The following TNIK variants were observed in gnomAD, a reference collection of about 807,000 sequenced individuals.
The protein encoded by TNIK is TRAF2 and NCK interacting kinase.
Under a neutral mutation model 191.3 loss-of-function variants are expected in TNIK, and 49 were observed. The ratio of observed to expected loss-of-function variants is 0.26; its 90% CI spans 0.20 to 0.32. TNIK has a LOEUF of 0.32. Ranked by LOEUF, TNIK falls within the 10% of genes least tolerant of loss-of-function variation. The pLI is 1.00. For synonymous variants in TNIK, 594 were observed against 600.9 expected (o/e 0.99, Z 0.17); for missense variants, 1,155 against 1,702.3 (o/e 0.68, Z 5.66).
intron 23 of TNIK, among the ~76,000 whole-genome samples, chr3:171,092,628 G>C (rs1722215088): frequency 6.6e-6 from 1 of 152,186 alleles, no homozygotes; most frequent in South Asian, 2.1e-4. Context: ...ATATGTGAAA[G>C]GACTCTTTAA....
chr3:171,366,751 C>A lies in TNIK; in HGVS notation c.123+2869G>T, dbSNP rs1715771864. Among the ~76,000 whole-genome samples the A allele has an allele frequency of 1.3e-5, 2 of 152,152 alleles. No individual in the cohort carries two copies. The highest frequency in any genetic ancestry group is 6.5e-5 in the Admixed American group (1 of 15,282). On this transcript the variant is annotated intron_variant, in intron 2 of 32. Transcript: ENST00000436636. This position sits in a 1 kb window ranked among gnomAD's most constrained non-coding sequence, Gnocchi z 4.1. Reference sequence around the variant, plus strand: ...GATATGGTTTGGCTGTGTCCCCAACCAAATTTCGTCTTGAATTGTAGTTCC... The same window carrying A: ...GATATGGTTTGGCTGTGTCCCCAACAAAATTTCGTCTTGAATTGTAGTTCC...
chr3:171,451,206 T>G (rs532917634), intron 1 of TNIK, among the ~76,000 whole-genome samples: 4 of 152,330 alleles, frequency 2.6e-5, no homozygotes, highest in East Asian at 1.9e-4. Context: ...ACATAGTGGC[T>G]TCTGCTCTGC....
intron 10 of TNIK, 66 bp downstream of exon 10, chr3:171,167,029 A>G: frequency 6.5e-7 from 1 of 1,537,232 alleles, no homozygotes; most frequent in Admixed American, 2.0e-5. Flanking sequence ...ACCTCCAAAT[A>G]CATCAAGCGC....
intron 2 of TNIK, among the ~76,000 whole-genome samples, chr3:171,342,890 G>A (rs1440781898): frequency 2.6e-5 from 4 of 152,136 alleles, no homozygotes; most frequent in Non-Finnish European, 1.5e-5. Flanking sequence ...TGCTGTTCTT[G>A]TAATAGTGAG....
chr3:171,296,080 T>G (rs529357408), intron 2 of TNIK, among the ~76,000 whole-genome samples: 13 of 152,310 alleles, frequency 8.5e-5, no homozygotes, highest in Admixed American at 2.6e-4. Context: ...GTGTCAAACC[T>G]TTAGTTACTC....
At chr3:171,183,912 A>C (rs1329553444) in intron 7 of TNIK, among the ~76,000 whole-genome samples, 2 of 122,166 alleles carry the variant, frequency 1.6e-5, no homozygotes, top group African/African-American at 6.7e-5. Context: ...CAAGAGGTAG[A>C]CTCCGTCTTA....
At chr3:171,409,492 T>C (rs913360419) in intron 1 of TNIK, among the ~76,000 whole-genome samples, 14 of 152,144 alleles carry the variant, frequency 9.2e-5, no homozygotes, top group African/African-American at 3.4e-4. Flanking sequence ...TTCTATTGAC[T>C]AATTTATTGA....
At chr3:171,398,194 CA>C (rs1398671101) in intron 1 of TNIK, among the ~76,000 whole-genome samples, 1 of 152,182 alleles carries the variant, frequency 6.6e-6, no homozygotes, top group Non-Finnish European at 1.5e-5. Context: ...TAGCACTTTT[CA>C]AATCATTCCT....
chr3:171,301,612 G>T (rs539448829), intron 2 of TNIK, among the ~76,000 whole-genome samples: 2 of 152,296 alleles, frequency 1.3e-5, no homozygotes, highest in African/African-American at 4.8e-5. Context: ...ACCACATCCA[G>T]CCTTAGCCTG....
intron 2 of TNIK, among the ~76,000 whole-genome samples, chr3:171,244,624 G>T (rs1745382024): frequency 6.6e-6 from 1 of 151,842 alleles, no homozygotes; most frequent in African/African-American, 2.4e-5. Flanking sequence ...ATGGCTTTAA[G>T]TAAATATACT....
chr3:171,156,537 A>G (rs1187713751), intron 12 of TNIK, among the ~76,000 whole-genome samples: 3 of 152,212 alleles, frequency 2.0e-5, no homozygotes, highest in Non-Finnish European at 2.9e-5. Context: ...AACTTCCCCA[A>G]TAGATATGCT....
rs575943115 is a variant in TNIK, at chr3:171,430,596, G to A, written c.57+29411C>T. On this transcript the variant is annotated intron_variant, in intron 1 of 32. Coordinates refer to ENST00000436636, the MANE Select transcript of TNIK (RefSeq NM_015028.4). Reference sequence around the variant, plus strand: ...TGAGGTTGCAGTGAACTAAGATTGTGCCACTGCATTCAGCCCTGGCCCAGA... The same window carrying A: ...TGAGGTTGCAGTGAACTAAGATTGTACCACTGCATTCAGCCCTGGCCCAGA... 3.5e-5 allele frequency among the ~76,000 whole-genome samples: 5 copies of A among 143,586 alleles called. 1 individual carries two copies. Among genetic ancestry groups the A allele is most frequent in the African/African-American group, 1.3e-4 (5 of 38,806 alleles). The allele number at this position is 143,586 out of a possible 152,430, so 94.2% of individuals were successfully genotyped here. A position where few individuals can be genotyped will look rare whatever the true frequency, so the allele number is the denominator to read the frequency against.
At chr3:171,382,655 A>T (rs1159011365) in intron 1 of TNIK, among the ~76,000 whole-genome samples, 2 of 152,164 alleles carry the variant, frequency 1.3e-5, no homozygotes, top group Non-Finnish European at 2.9e-5. Context: ...CCACTTCCAG[A>T]TGGAATATGT....
intron 10 of TNIK, among the ~76,000 whole-genome samples, chr3:171,165,632 G>A (rs1312161438): frequency 6.6e-6 from 1 of 152,162 alleles, no homozygotes. Flanking sequence ...CCTCTGTCCT[G>A]TCTGTGGGCT....
intron 7 of TNIK, among the ~76,000 whole-genome samples, chr3:171,180,789 A>T (rs903404074): frequency 2.6e-5 from 4 of 152,170 alleles, no homozygotes; most frequent in Non-Finnish European, 5.9e-5. Flanking sequence ...CAATCTAAGG[A>T]CTTGAGTATT....
chr3:171,111,336 C>T (rs113054855), intron 18 of TNIK, among the ~76,000 whole-genome samples: 4 of 151,932 alleles, frequency 2.6e-5, no homozygotes, highest in African/African-American at 9.7e-5. Flanking sequence ...GGTCACTTGA[C>T]CCCAGGAGGT....
chr3:171,093,818 A>T, intron 23 of TNIK, 21 bp downstream of exon 23: 3 of 1,612,352 alleles, frequency 1.9e-6, no homozygotes, highest in Non-Finnish European at 2.5e-6. Context: ...TTTCCTCTAC[A>T]CAGTTTTTAT....
At position 171,093,870 on chromosome 3, in the gene TNIK, A is replaced by G; in HGVS notation, c.2690T>C (p.Ile897Thr). ...TSHADSFSGS[I>T]SREGTLMIRE... Reference sequence around the variant, plus strand: ...AATCATCAAGGTTCCTTCTCTTGAAATACTGCCGCTGAAACTGTCCGCATG... The same window carrying G: ...AATCATCAAGGTTCCTTCTCTTGAAGTACTGCCGCTGAAACTGTCCGCATG... The change falls in exon 23 of 33, where the codon ATT (isoleucine) becomes ACT (threonine). Residue 897 changes from isoleucine (I) to threonine (T), a missense_variant. This residue lies in a region of TNIK where 735 missense variants were observed against 848.0 expected (regional missense o/e 0.87). Transcript: ENST00000436636. The G allele has an allele frequency of 6.2e-7, 1 of 1,613,900 alleles. No individual in the cohort carries two copies. Among genetic ancestry groups the G allele is most frequent in the Admixed American group, 1.7e-5 (1 of 60,020 alleles).
rs538074795 is a variant in TNIK at position 171,159,404 on chromosome 3, T to A, written c.1017-1740A>T. Reference sequence around the variant, plus strand: ...ACCAAGGATCGGTTTTGGAGAGTAGTTAGTGTGCTGTGTGAGATACTGCCA... The same window carrying A: ...ACCAAGGATCGGTTTTGGAGAGTAGATAGTGTGCTGTGTGAGATACTGCCA... On this transcript the variant is annotated intron_variant, in intron 11 of 32. Transcript: ENST00000436636. This position sits in a 1 kb window ranked among gnomAD's most constrained non-coding sequence, Gnocchi z 4.1. Among the ~76,000 whole-genome samples the A allele has an allele frequency of 0.012, 472 of 39,892 alleles. 1 individual carries two copies. The highest frequency in any genetic ancestry group is 0.071 in the South Asian group (57 of 806). The allele number at this position is 39,892 out of a possible 152,430, so 26.2% of individuals were successfully genotyped here. A position where few individuals can be genotyped will look rare whatever the true frequency, so the allele number is the denominator to read the frequency against.
Sources: gnomAD v4.1 joint callset for allele counts (sites outside exome capture counted in the v4.1 genomes callset) on GRCh38, gnomAD v4.1.1 for gene constraint, gnomAD v4.1.1 regional missense constraint, Gnocchi (gnomAD v3.1) non-coding constraint, MANE v1.5 for transcripts, NCBI Gene and HGNC (gene_info 2026-07-23, HGNC 2026-07-21) for gene names.